SSU72: variants seen among roughly 807,000 people sequenced by gnomAD.
The protein encoded by SSU72 is RNA polymerase II subunit A C-terminal domain phosphatase SSU72.
SSU72 carries 12 observed loss-of-function variants against 22.7 expected under a neutral mutation model. That is an observed-to-expected ratio of 0.53 (90% CI 0.34 to 0.86). The LOEUF is 0.86. SSU72 is among the 40% of genes least tolerant of loss of function. The pLI is 0.02. For synonymous variants in SSU72, 116 were observed against 98.3 expected, an observed-to-expected ratio of 1.18 and a Z score of -1.06; for missense variants, 151 against 249.8, an observed-to-expected ratio of 0.60 and a Z score of 2.67.
At chr1:1,552,281 G>A (rs1421223656) in intron 2 of SSU72, among the ~76,000 whole-genome samples, 1 of 152,160 alleles carries the variant, frequency 6.6e-6, no homozygotes, top group African/African-American at 2.4e-5. Context: ...TTTTCTCAAA[G>A]GTAACCACTC....
intron 1 of SSU72, among the ~76,000 whole-genome samples, chr1:1,574,024 A>T (rs1490273324): frequency 9.5e-6 from 1 of 105,576 alleles, no homozygotes; most frequent in African/African-American, 7.2e-5. Flanking sequence ...TCTTTCGCAA[A>T]AAAAAAAAAA....
intron 1 of SSU72, among the ~76,000 whole-genome samples, chr1:1,569,031 G>T (rs942537790): frequency 6.6e-6 from 1 of 152,052 alleles, no homozygotes; most frequent in Non-Finnish European, 1.5e-5. Context: ...AAAATTAGCT[G>T]GACATGGTGG....
chr1:1,545,248 ACCCAAGG>A, intron 2 of SSU72: 2 of 466,274 alleles, frequency 4.3e-6, no homozygotes, highest in South Asian at 5.6e-5. Context: ...CGGCAAAAAG[ACCCAAGG>A]CCCGCAGGAC....
chr1:1,564,716 A>G, intron 2 of SSU72, 57 bp downstream of exon 2: 1 of 1,614,232 alleles, frequency 6.2e-7, no homozygotes, highest in Non-Finnish European at 8.5e-7. Context: ...AGCCACACGT[A>G]ACACCTTCCA....
chr1:1,568,074 A>G (rs1340209079), intron 1 of SSU72, among the ~76,000 whole-genome samples: 1 of 152,156 alleles, frequency 6.6e-6, no homozygotes, highest in African/African-American at 2.4e-5. Context: ...TTTTCCCCCA[A>G]CAAAAGGTTC....
intron 2 of SSU72, among the ~76,000 whole-genome samples, chr1:1,557,669 G>A (rs926150969): frequency 5.7e-5 from 8 of 139,586 alleles, no homozygotes; most frequent in East Asian, 2.4e-4. Context: ...GTGGTACGCC[G>A]CACCTGTAAT....
intron 2 of SSU72, among the ~76,000 whole-genome samples, chr1:1,551,307 A>G (rs1383404952): frequency 6.6e-6 from 1 of 152,212 alleles, no homozygotes; most frequent in African/African-American, 2.4e-5. Flanking sequence ...AAAGACACTC[A>G]GTGTGTGGCC....
intron 4 of SSU72, among the ~76,000 whole-genome samples, chr1:1,543,235 A>G: frequency 6.6e-6 from 1 of 152,204 alleles, no homozygotes; most frequent in East Asian, 1.9e-4. Context: ...CAGAAGGCCA[A>G]GTCCAGGGGT....
rs1046183808 is a variant in SSU72, at chr1:1,558,744, C to T, written c.224+6029G>A. On this transcript the variant is annotated intron_variant, in intron 2 of 4. Transcript: ENST00000291386. Reference sequence around the variant, plus strand: ...CCTGGAGCGGGGGAACTGTCCAGGCCGGTGTCTGCCACCCCAGCCCTCCTT... The same window carrying T: ...CCTGGAGCGGGGGAACTGTCCAGGCTGGTGTCTGCCACCCCAGCCCTCCTT... Among the ~76,000 whole-genome samples, 5 of 152,198 alleles carry T rather than the reference C, an allele frequency of 3.3e-5. No individual in the cohort carries two copies. In the East Asian group the frequency reaches 5.8e-4, roughly 18 times the overall value.
At chr1:1,565,774 C>T (rs548510463) in intron 1 of SSU72, among the ~76,000 whole-genome samples, 1 of 152,356 alleles carries the variant, frequency 6.6e-6, no homozygotes, top group Non-Finnish European at 1.5e-5. Context: ...TGACCAAATA[C>T]TTTTCCTAAT....
chr1:1,543,664 TCGGCCAC>T, intron 4 of SSU72, among the ~76,000 whole-genome samples, 198 bp downstream of exon 4: 1 of 144,662 alleles, frequency 6.9e-6, no homozygotes, highest in Non-Finnish European at 1.5e-5. Flanking sequence ...TGTCACGGCC[TCGGCCAC>T]TCCCCACTGT....
intron 1 of SSU72, among the ~76,000 whole-genome samples, chr1:1,571,604 C>T (rs1642732323): frequency 6.6e-6 from 1 of 152,100 alleles, no homozygotes; most frequent in Non-Finnish European, 1.5e-5. Context: ...TAAAAGCACA[C>T]CCAAGAATTC....
At chr1:1,550,602 C>T (rs1178208793) in intron 2 of SSU72, among the ~76,000 whole-genome samples, 3 of 152,206 alleles carry the variant, frequency 2.0e-5, no homozygotes, top group African/African-American at 7.2e-5. Context: ...CTGCTGGCCC[C>T]CCTCAAGTGC....
At position 1,571,843 on chromosome 1, in the gene SSU72, A is replaced by C. The variant is rs572532774; in HGVS notation, c.80+2635T>G. Among the ~76,000 whole-genome samples, 516 of 151,804 alleles carry C rather than the reference A, an allele frequency of 3.4e-3. 2 individuals are homozygous for C. Among genetic ancestry groups the C allele is most frequent in the Non-Finnish European group, 5.5e-3 (372 of 67,970 alleles). Reference sequence around the variant, plus strand: ...CGCTCTGTCACCCAGGCTGGAGTGCAGTGGCCGGATCTCAGCTCACTGCAA... The same window carrying C: ...CGCTCTGTCACCCAGGCTGGAGTGCCGTGGCCGGATCTCAGCTCACTGCAA... On this transcript the variant is annotated intron_variant, in intron 1 of 4. Coordinates refer to ENST00000291386, the MANE Select transcript of SSU72 (RefSeq NM_014188.3).
At chr1:1,550,479 C>A (rs893950489) in intron 2 of SSU72, among the ~76,000 whole-genome samples, 1 of 152,238 alleles carries the variant, frequency 6.6e-6, no homozygotes, top group African/African-American at 2.4e-5. Flanking sequence ...GACCCTCCAG[C>A]AATTCCCAGA....
At chr1:1,573,068 C>G (rs947400078) in intron 1 of SSU72, among the ~76,000 whole-genome samples, 2 of 151,284 alleles carry the variant, frequency 1.3e-5, no homozygotes, top group Non-Finnish European at 1.5e-5. Flanking sequence ...GCGGGCAGAT[C>G]ACCTGAGGTC....
At chr1:1,557,423 A>C (rs1178884702) in intron 2 of SSU72, among the ~76,000 whole-genome samples, 2 of 151,806 alleles carry the variant, frequency 1.3e-5, no homozygotes, top group Admixed American at 1.3e-4. Context: ...AAAAAAGTAA[A>C]TAAATAAATA....
At position 1,544,936 on chromosome 1, in the gene SSU72, T is replaced by C; in HGVS notation, c.291A>G (p.Arg97=). 1 of 1,614,240 alleles carries C rather than the reference T, an allele frequency of 6.2e-7. No homozygotes were observed. Among genetic ancestry groups the C allele is most frequent in the Non-Finnish European group, 8.5e-7 (1 of 1,180,046 alleles). The part of the protein sequence containing the change: ...RNKRIKPRPE[R]FQNCKDLFDL... ...CAAACAGGTCTTTGCAGTTCTGGAA[T>C]CTTTCTGGCCGGGGCTTGATTCTCT... is the stretch of plus-strand genomic sequence containing the variant. The change falls in exon 3 of 5, where the codon AGA becomes AGG. Residue 97 remains arginine (R), a synonymous_variant. Transcript: ENST00000291386.
chr1:1,562,590 TG>T (rs1377308539), intron 2 of SSU72: 3 of 152,252 alleles, frequency 2.0e-5, no homozygotes, highest in Non-Finnish European at 4.4e-5. Context: ...GAGGTGAAGA[TG>T]GGAAGACCCA....
Sources: allele counts gnomAD v4.1 joint callset (sites outside exome capture counted in the v4.1 genomes callset), GRCh38; gene constraint gnomAD v4.1.1; transcripts MANE v1.5; gene names NCBI Gene and HGNC (gene_info 2026-07-23, HGNC 2026-07-21).